The following ANKRD11 variants were observed in gnomAD, a reference collection of about 807,000 sequenced individuals.
The protein encoded by ANKRD11 is ankyrin repeat domain-containing protein 11.
ANKRD11 carries 17 observed loss-of-function variants against 195.7 expected under a neutral mutation model. The ratio of observed to expected loss-of-function variants is 0.09; its 90% CI spans 0.06 to 0.13. The LOEUF (loss-of-function observed/expected upper bound fraction) is 0.13, where lower values mean the gene tolerates loss of function less well. Among genes scored for constraint, ANKRD11 ranks in the 10% least tolerant of loss-of-function variants. The pLI, the probability that ANKRD11 is intolerant of heterozygous loss-of-function variation, is 1.00. For synonymous variants in ANKRD11, 1,953 were observed against 1,528.1 expected (o/e 1.28, Z -6.49); for missense variants, 3,735 against 3,566.1 (o/e 1.05, Z -1.21).
chr16:89,475,713 C>T (rs2057234767), intron 1 of ANKRD11, among the ~76,000 whole-genome samples: 1 of 152,078 alleles, frequency 6.6e-6, no homozygotes, highest in Non-Finnish European at 1.5e-5. Flanking sequence ...CCACGAAACA[C>T]AAAATGCTCT....
At chr16:89,374,068 G>A (rs533627035) in intron 2 of ANKRD11, among the ~76,000 whole-genome samples, 22 of 152,332 alleles carry the variant, frequency 1.4e-4, no homozygotes, top group South Asian at 8.3e-4. Context: ...TGTGAGGCCC[G>A]CAGAGAGGGG....
intron 2 of ANKRD11, among the ~76,000 whole-genome samples, chr16:89,375,509 G>A (rs1033226014): frequency 2.6e-5 from 4 of 151,736 alleles, no homozygotes; most frequent in Non-Finnish European, 5.9e-5. Flanking sequence ...GCCCGGGCTG[G>A]AGTGCAGTGG....
Position 89,321,715 on chromosome 16 carries a change from A to G in ANKRD11, c.-59-4637T>C, listed in dbSNP as rs74353683. On this transcript the variant is annotated intron_variant, in intron 2 of 12. Transcript: ENST00000301030. Reference sequence around the variant, plus strand: ...TTAAAACTCACAGAAAAAAAAAAAGACTTCTTTGGGGTTGAAATTCACCTT... The same window carrying G: ...TTAAAACTCACAGAAAAAAAAAAAGGCTTCTTTGGGGTTGAAATTCACCTT... Among the ~76,000 whole-genome samples, 42 of 151,986 alleles carry G rather than the reference A, an allele frequency of 2.8e-4. No homozygotes were observed. In the East Asian group the frequency reaches 7.0e-3, roughly 25 times the overall value.
chr16:89,472,983 A>G (rs1449677649), intron 1 of ANKRD11, among the ~76,000 whole-genome samples: 1 of 152,032 alleles, frequency 6.6e-6, no homozygotes, highest in Admixed American at 6.6e-5. Flanking sequence ...TGAGCCCAGA[A>G]GTTGGGAGAC....
chr16:89,410,432 T>A (rs1441130400), intron 2 of ANKRD11, among the ~76,000 whole-genome samples: 1 of 152,216 alleles, frequency 6.6e-6, no homozygotes, highest in Admixed American at 6.5e-5. Flanking sequence ...ACACTGGTGT[T>A]GGGAGTGATG....
At chr16:89,360,506 A>AG (rs2039682699) in intron 2 of ANKRD11, 1 of 152,276 alleles carries the variant, frequency 6.6e-6, no homozygotes, top group Non-Finnish European at 1.5e-5. Context: ...AAAGATTAAA[A>AG]AACCATGGAT....
intron 4 of ANKRD11, among the ~76,000 whole-genome samples, chr16:89,293,436 T>C (rs543435657): frequency 7.5e-6 from 1 of 133,372 alleles, no homozygotes; most frequent in Non-Finnish European, 1.6e-5. Flanking sequence ...TGGGGCAGAG[T>C]TGGGGTTGCG....
At chr16:89,304,080 G>C (rs1392458576) in intron 4 of ANKRD11, among the ~76,000 whole-genome samples, 1 of 152,212 alleles carries the variant, frequency 6.6e-6, no homozygotes, top group African/African-American at 2.4e-5. Context: ...CAGGGCTGTA[G>C]AGAAGCTGGA....
intron 1 of ANKRD11, among the ~76,000 whole-genome samples, chr16:89,480,793 C>G (rs2057419644): frequency 6.6e-6 from 1 of 152,170 alleles, no homozygotes; most frequent in Non-Finnish European, 1.5e-5. Context: ...GTCATTTAGG[C>G]AACACATCTG....
At chr16:89,301,002 G>A in intron 4 of ANKRD11, 1 of 633,240 alleles carries the variant, frequency 1.6e-6, no homozygotes, top group South Asian at 1.7e-5. Context: ...ACAGACGAAG[G>A]CGCAGGAGAA....
At chr16:89,484,958 C>T (rs2057556966) in intron 1 of ANKRD11, among the ~76,000 whole-genome samples, 1 of 152,156 alleles carries the variant, frequency 6.6e-6, no homozygotes, top group Non-Finnish European at 1.5e-5. Flanking sequence ...CCTCCACCAG[C>T]CACAAGGACG....
chr16:89,385,579 G>A (rs1195909698), intron 2 of ANKRD11, among the ~76,000 whole-genome samples: 1 of 152,064 alleles, frequency 6.6e-6, no homozygotes, highest in East Asian at 1.9e-4. Context: ...ACTCTACTGA[G>A]TGAGCAAGAA....
At position 89,446,099 on chromosome 16, in the gene ANKRD11, C is replaced by T. The variant is rs2043779435; in HGVS notation, c.-144-27731G>A. On this transcript the variant is annotated intron_variant, in intron 1 of 12. Transcript: ENST00000301030. Reference sequence around the variant, plus strand: ...CAGATGGATCCACACTTAGAACCACCATCTTTAAAAAAAAAAAACTGTTTA... The same window carrying T: ...CAGATGGATCCACACTTAGAACCACTATCTTTAAAAAAAAAAAACTGTTTA... Among the ~76,000 whole-genome samples, 3 of 150,258 alleles carry T rather than the reference C, an allele frequency of 2.0e-5. No homozygotes were observed. In the South Asian group the frequency reaches 6.3e-4, roughly 31 times the overall value.
intron 2 of ANKRD11, among the ~76,000 whole-genome samples, chr16:89,368,371 GTTTTTTTTTT>G (rs71134210): frequency 9.7e-4 from 55 of 56,594 alleles, no homozygotes; most frequent in African/African-American, 2.3e-3. Flanking sequence ...TAATTTTTGT[GTTTTTTTTTT>G]TTTTTTTTTT....
intron 2 of ANKRD11, among the ~76,000 whole-genome samples, chr16:89,390,319 A>T: frequency 6.7e-6 from 1 of 148,538 alleles, no homozygotes. Context: ...TGTGGCGTGG[A>T]GCACAGACAG....
In ANKRD11 at chr16:89,280,479, A is replaced by T. The variant is rs2034114376; in HGVS notation, c.6063T>A (p.Ser2021=). 1.9e-6 allele frequency: 3 copies of T among 1,587,212 alleles called. No individual in the cohort carries two copies. The highest frequency in any genetic ancestry group is 1.3e-5 in the African/African-American group (1 of 74,412). ...CGACGGGCAGAGCGTACGGGGCAGGAGAGGCGGGAGGGGCGGGGTACGGCG... is the reference window on the plus strand; with the variant it reads ...CGACGGGCAGAGCGTACGGGGCAGGTGAGGCGGGAGGGGCGGGGTACGGCG... ...SEAPYPAPPA[S]PAPYALPVAE... is the part of the protein sequence containing the mutation. Residue 2021 remains serine, a synonymous_variant, in exon 9 of 13, where the codon TCT becomes TCA. Coordinates refer to ENST00000301030, the MANE Select transcript of ANKRD11 (RefSeq NM_013275.6).
intron 12 of ANKRD11, among the ~76,000 whole-genome samples, chr16:89,268,890 C>A (rs1191703919): frequency 1.3e-5 from 2 of 152,248 alleles, no homozygotes; most frequent in Non-Finnish European, 2.9e-5. Context: ...GCCACCTCTA[C>A]CCTGGCCTGG....
At chr16:89,385,076 A>T (rs1358838885) in intron 2 of ANKRD11, among the ~76,000 whole-genome samples, 1 of 151,250 alleles carries the variant, frequency 6.6e-6, no homozygotes, top group Admixed American at 6.6e-5. Context: ...AGTAGAGACG[A>T]TATTTCACCA....
intron 2 of ANKRD11, among the ~76,000 whole-genome samples, chr16:89,386,048 G>T (rs1047559310): frequency 2.6e-5 from 4 of 152,214 alleles, no homozygotes; most frequent in African/African-American, 7.2e-5. Context: ...CCCGCAAACT[G>T]GGTCCAATTT....
Sources: gnomAD v4.1 joint callset for allele counts (sites outside exome capture counted in the v4.1 genomes callset) on GRCh38, gnomAD v4.1.1 for gene constraint, MANE v1.5 for transcripts, NCBI Gene and HGNC (gene_info 2026-07-23, HGNC 2026-07-21) for gene names.